RP1: variants seen among roughly 807,000 people sequenced by gnomAD.
RP1 encodes oxygen-regulated protein 1.
A neutral mutation model predicts 14.8 loss-of-function variants in RP1; 16 were observed. The ratio of observed to expected loss-of-function variants is 1.08; its 90% confidence interval spans 0.73 to 1.65. The LOEUF (loss-of-function observed/expected upper bound fraction) is 1.65. Ranked by LOEUF, RP1 falls within the 40% of genes most tolerant of loss-of-function variation. The pLI is 0.00. For missense variants in RP1, 2,631 were observed against 2,535.0 expected (o/e 1.04, Z -0.81); for synonymous variants, 876 against 883.6 (o/e 0.99, Z 0.15).
chr8:54,577,489 A>G (rs964128950), intron 1 of RP1, among the ~76,000 whole-genome samples: 1 of 152,144 alleles, frequency 6.6e-6, no homozygotes, highest in Non-Finnish European at 1.5e-5. Flanking sequence ...GTGGTTTTTC[A>G]TGTTTACTTG....
Position 54,809,208 on chromosome 8 carries a change from G to A in RP1, c.3615+25498G>A, listed in dbSNP as rs368196657. 9.2e-5 allele frequency among the ~76,000 whole-genome samples: 14 copies of A among 152,238 alleles called. No homozygotes were observed. In the South Asian group the frequency reaches 2.9e-3, roughly 32 times the overall value. Reference sequence around the variant, plus strand: ...GATTGAATTTGTTTTTGTTAACTTGGAGCTCTTTCTAAAGTTTAGTTGTAC... The same window carrying A: ...GATTGAATTTGTTTTTGTTAACTTGAAGCTCTTTCTAAAGTTTAGTTGTAC... On this transcript the variant is annotated intron_variant, in intron 24 of 28. Coordinates refer to the RP1 transcript ENST00000637698.
chr8:54,706,706 T>C (rs150851722), intron 15 of RP1: 3 of 1,516,822 alleles, frequency 2.0e-6, no homozygotes, highest in Admixed American at 2.0e-5. Flanking sequence ...CATTTGCCAG[T>C]TGTAGACATG....
At chr8:54,693,432 G>C (rs550042666) in intron 12 of RP1, among the ~76,000 whole-genome samples, 3 of 152,064 alleles carry the variant, frequency 2.0e-5, no homozygotes, top group Non-Finnish European at 4.4e-5. Flanking sequence ...TCACAATATT[G>C]ATTCTTCCTA....
intron 24 of RP1, among the ~76,000 whole-genome samples, chr8:54,783,986 A>G (rs1307334822): frequency 1.3e-5 from 2 of 152,158 alleles, no homozygotes; most frequent in Admixed American, 1.3e-4. Context: ...ATAATTTACT[A>G]CTAATCCTAT....
downstream of RP1, among the ~76,000 whole-genome samples, chr8:54,771,826 G>A (rs1390206176): frequency 1.6e-4 from 25 of 152,076 alleles, no homozygotes; most frequent in Admixed American, 1.6e-3. Flanking sequence ...GAAAGGTTAA[G>A]CAGTCTAATC....
At chr8:54,632,457 C>T (rs1204060484), downstream of RP1, among the ~76,000 whole-genome samples, 1 of 152,202 alleles carries the variant, frequency 6.6e-6, no homozygotes, top group East Asian at 1.9e-4. Flanking sequence ...AACGTGTTCA[C>T]ATGCATTGAA....
chr8:54,849,238 AT>A lies in RP1; in HGVS notation c.3836-3335del, dbSNP rs200924681. ...GCATTCTTATATAAATTAAAAAAAA[AT>A]ACCAGAAGTACATTGTATTTTCTGT... On this transcript the variant is annotated intron_variant, in intron 25 of 28. Transcript: ENST00000637698. 8.5e-3 allele frequency among the ~76,000 whole-genome samples: 1,291 copies of A among 152,214 alleles called. 16 individuals carry two copies. Among genetic ancestry groups the A allele is most frequent in the African/African-American group, 0.028 (1,173 of 41,532 alleles).
chr8:54,831,670 G>A (rs1811533181), intron 24 of RP1, among the ~76,000 whole-genome samples: 3 of 151,362 alleles, frequency 2.0e-5, no homozygotes, highest in Admixed American at 2.0e-4. Flanking sequence ...CCATTGATTT[G>A]CATAAAATTT....
chr8:54,838,010 G>A (rs1307170959), intron 25 of RP1, among the ~76,000 whole-genome samples: 1 of 152,226 alleles, frequency 6.6e-6, no homozygotes. Flanking sequence ...CTCCTGGACT[G>A]TACAAAAATA....
At chr8:54,645,102 C>A (rs940620328) in intron 3 of RP1, among the ~76,000 whole-genome samples, 2 of 152,096 alleles carry the variant, frequency 1.3e-5, no homozygotes, top group African/African-American at 4.8e-5. Context: ...TTCAACATAT[C>A]TTTTTTGAAG....
upstream of RP1, among the ~76,000 whole-genome samples, chr8:54,612,674 A>G (rs1289097710): frequency 6.6e-6 from 1 of 152,148 alleles, no homozygotes; most frequent in Non-Finnish European, 1.5e-5. Flanking sequence ...TTGGTTTCTC[A>G]TCTCACTTAA....
At chr8:54,829,292 T>C (rs1811463810) in intron 24 of RP1, among the ~76,000 whole-genome samples, 1 of 152,206 alleles carries the variant, frequency 6.6e-6, no homozygotes, top group African/African-American at 2.4e-5. Context: ...TTCCTGCCAA[T>C]GGCTAATGCC....
rs747328453 is a variant in RP1 at position 54,625,661 on chromosome 8, G to T, written c.1779G>T (p.Lys593Asn). The T allele has an allele frequency of 3.2e-5, 51 of 1,613,984 alleles. No homozygotes were observed. The highest frequency in any genetic ancestry group is 4.1e-5 in the Non-Finnish European group (48 of 1,180,004). ...TATTGGACAACAAAACTGGTATCAAGAACTTCAAAACTTATGGTAACACCA... is the reference window on the plus strand; with the variant it reads ...TATTGGACAACAAAACTGGTATCAATAACTTCAAAACTTATGGTAACACCA... ...CVVLDNKTGI[K>N]NFKTYGNTND... Residue 593 changes from lysine to asparagine, a missense_variant, in exon 4 of 4, where the codon AAG becomes AAT. Transcript: ENST00000220676.
intron 24 of RP1, among the ~76,000 whole-genome samples, chr8:54,794,803 A>C (rs948638459): frequency 3.3e-5 from 5 of 151,976 alleles, no homozygotes; most frequent in African/African-American, 4.8e-5. Context: ...AGTTGAAATG[A>C]AATGGGAATG....
At chr8:54,697,913 C>T (rs140941651) in intron 12 of RP1, among the ~76,000 whole-genome samples, 48 of 152,098 alleles carry the variant, frequency 3.2e-4, no homozygotes, top group African/African-American at 9.6e-4. Context: ...AAGACTTAAA[C>T]GTAACACCTA....
At chr8:54,586,887 G>A (rs956317074) in intron 1 of RP1, among the ~76,000 whole-genome samples, 7 of 152,176 alleles carry the variant, frequency 4.6e-5, no homozygotes, top group Non-Finnish European at 7.4e-5. Context: ...TCCAGGTGCC[G>A]TCTGTCACCC....
rs1231715847 is a variant in RP1, at chr8:54,627,319, G to A, written c.3437G>A (p.Cys1146Tyr). The change falls in exon 4 of 4, where the codon TGT (cysteine) becomes TAT (tyrosine). Residue 1146 changes from cysteine (C) to tyrosine (Y), a missense_variant. Coordinates refer to ENST00000220676, the MANE Select transcript of RP1 (RefSeq NM_006269.2). ...CTAAAGGGAAGTATGAATAGCTTCT[G>A]TCAAGTTGATGCTCACAAGGCTACC... ...LNLKGSMNSF[C>Y]QVDAHKATNK... is the part of the protein sequence containing the mutation. The A allele has an allele frequency of 6.2e-7, 1 of 1,614,146 alleles. No homozygotes were observed. The highest frequency in any genetic ancestry group is 8.5e-7 in the Non-Finnish European group (1 of 1,179,984).
chr8:54,790,976 G>GA (rs1810450751), intron 24 of RP1, among the ~76,000 whole-genome samples: 1 of 152,126 alleles, frequency 6.6e-6, no homozygotes, highest in Non-Finnish European at 1.5e-5. Flanking sequence ...TTTGGGGAGA[G>GA]AAATAGACAT....
At chr8:54,564,050 A>G (rs1036617436) in intron 1 of RP1, among the ~76,000 whole-genome samples, 9 of 152,060 alleles carry the variant, frequency 5.9e-5, no homozygotes, top group Non-Finnish European at 1.3e-4. Context: ...TTGTTGCCCA[A>G]CTCAGATCTC....
Sources: gnomAD v4.1 joint callset for allele counts (sites outside exome capture counted in the v4.1 genomes callset) on GRCh38, gnomAD v4.1.1 for gene constraint, MANE v1.5 for transcripts, NCBI Gene and HGNC (gene_info 2026-07-23, HGNC 2026-07-21) for gene names.